Variants in ENTHD1 observed in about 807,000 individuals in gnomAD.
The protein encoded by ENTHD1 is ENTH domain containing 1.
Under a neutral mutation model 39.1 loss-of-function variants are expected in ENTHD1, and 23 were observed. That is an observed-to-expected ratio of 0.59 (90% confidence interval 0.42 to 0.83). ENTHD1 has a LOEUF of 0.83. Among genes scored for constraint, ENTHD1 ranks in the 40% least tolerant of loss-of-function variants. The pLI, the probability that ENTHD1 is intolerant of heterozygous loss-of-function variation, is 0.00. For missense variants in ENTHD1, 624 were observed against 705.4 expected (o/e 0.88, Z 1.31); for synonymous variants, 230 against 258.2 (o/e 0.89, Z 1.05).
At chr22:39,873,881 C>A (rs1013986141) in intron 2 of ENTHD1, among the ~76,000 whole-genome samples, 3 of 152,282 alleles carry the variant, frequency 2.0e-5, no homozygotes, top group Admixed American at 6.5e-5. Context: ...GTAAAAAAGG[C>A]ATTAACCATA....
chr22:39,792,175 G>A (rs1440630499), intron 5 of ENTHD1, among the ~76,000 whole-genome samples: 2 of 152,046 alleles, frequency 1.3e-5, no homozygotes, highest in African/African-American at 2.4e-5. Flanking sequence ...CTTTTCTATT[G>A]TGAATAGTGC....
At chr22:39,817,524 C>T (rs915847731) in intron 5 of ENTHD1, among the ~76,000 whole-genome samples, 1 of 152,092 alleles carries the variant, frequency 6.6e-6, no homozygotes, top group African/African-American at 2.4e-5. Context: ...TAAAGGTACA[C>T]GTATGTATGT....
chr22:39,803,345 A>G (rs1405771815), intron 5 of ENTHD1, among the ~76,000 whole-genome samples: 1 of 151,998 alleles, frequency 6.6e-6, no homozygotes, highest in African/African-American at 2.4e-5. Context: ...GTCTCACCTC[A>G]TAACATCTCT....
At chr22:39,888,260 C>CTTTTT (rs61092462) in intron 1 of ENTHD1, among the ~76,000 whole-genome samples, 32 of 110,624 alleles carry the variant, frequency 2.9e-4, no homozygotes, top group South Asian at 9.2e-4. Flanking sequence ...TTCTTTCTTT[C>CTTTTT]TTTTTTTTTT....
chr22:39,793,251 T>C (rs2065519322), intron 5 of ENTHD1, among the ~76,000 whole-genome samples: 1 of 152,096 alleles, frequency 6.6e-6, no homozygotes, highest in Non-Finnish European at 1.5e-5. Context: ...TTAATGTTTT[T>C]ACAAGGGTGC....
chr22:39,835,790 C>T (rs1555935336), intron 4 of ENTHD1, 50 bp downstream of exon 4: 3 of 1,376,558 alleles, frequency 2.2e-6, no homozygotes, highest in Admixed American at 1.9e-5. Context: ...TTTTAAGGCA[C>T]AAAACTTGCA....
chr22:39,887,478 G>A lies in ENTHD1; in HGVS notation c.271C>T (p.Gln91Ter), dbSNP rs557485962. The A allele has an allele frequency of 1.2e-6, 2 of 1,614,074 alleles. No individual in the cohort carries two copies. The highest frequency in any genetic ancestry group is 1.7e-6 in the Non-Finnish European group (2 of 1,180,050). ...TTACAGAACCCCTCTCTGCAATGCT[G>A]AATAACTTTCTTTGATCCATTCTTG... ...LIKNGSKKVIQHCREGFCNLQ... is the reference protein window; with the variant it reads ...LIKNGSKKVI Residue 91 changes from glutamine to a stop codon, truncating the protein, a stop_gained, in exon 2 of 7, where the codon CAG (glutamine) becomes TAG (stop). Transcript: ENST00000325157. LOFTEE classifies it high-confidence loss of function.
intron 3 of ENTHD1, among the ~76,000 whole-genome samples, chr22:39,836,453 A>T (rs1332801833): frequency 6.6e-6 from 1 of 152,172 alleles, no homozygotes; most frequent in Non-Finnish European, 1.5e-5. Flanking sequence ...AGTGAAAAGT[A>T]TTCAAATAAA....
chr22:39,762,643 G>T (rs997769116), intron 6 of ENTHD1, among the ~76,000 whole-genome samples: 3 of 151,858 alleles, frequency 2.0e-5, no homozygotes, highest in Non-Finnish European at 4.4e-5. Flanking sequence ...GTAGAGATGG[G>T]GTCTCCCTAT....
intron 4 of ENTHD1, among the ~76,000 whole-genome samples, chr22:39,830,981 T>C (rs1312316905): frequency 6.6e-6 from 1 of 152,102 alleles, no homozygotes; most frequent in South Asian, 2.1e-4. Flanking sequence ...AAACAAATAA[T>C]GGTAAGGAGA....
Position 39,867,750 on chromosome 22 carries a change from G to A in ENTHD1, c.350-5743C>T, listed in dbSNP as rs1182780525. ...GTTGGTTGCAGTGAGCCGAGATCGCGCCATTGCACTCCAGCCTGGGCGATG... is the reference window on the plus strand; with the variant it reads ...GTTGGTTGCAGTGAGCCGAGATCGCACCATTGCACTCCAGCCTGGGCGATG... On this transcript the variant is annotated intron_variant, in intron 2 of 6. Transcript: ENST00000325157. This position sits in a 1 kb window ranked among gnomAD's most constrained non-coding sequence, Gnocchi z 4.5. 6.6e-6 allele frequency among the ~76,000 whole-genome samples: 1 copy of A among 151,802 alleles called. No homozygotes were observed. The highest frequency in any genetic ancestry group is 1.5e-5 in the Non-Finnish European group (1 of 67,986).
intron 5 of ENTHD1, among the ~76,000 whole-genome samples, chr22:39,808,118 T>G (rs2065658210): frequency 2.6e-5 from 4 of 152,176 alleles, no homozygotes; most frequent in African/African-American, 9.7e-5. Flanking sequence ...AAGATTGTTA[T>G]GAAGATTAAA....
Position 39,776,658 on chromosome 22 carries a change from A to G in ENTHD1, c.833-11049T>C, listed in dbSNP as rs527710140. 1.2e-4 allele frequency among the ~76,000 whole-genome samples: 18 copies of G among 152,336 alleles called. 1 individual carries two copies. The East Asian group carries it at 3.5e-3, about 29-fold the overall frequency. On this transcript the variant is annotated intron_variant, in intron 5 of 6. Transcript: ENST00000325157. ...GCTGCAAATTTAAATACAGACTATC[A>G]TGAAAATGACTGAAGTAGGAAAAAC...
intron 4 of ENTHD1, among the ~76,000 whole-genome samples, chr22:39,822,192 TC>T (rs55692573): frequency 0.11 from 16,315 of 151,782 alleles, 1,608 homozygotes; most frequent in East Asian, 0.56. Flanking sequence ...AGCTGGTATG[TC>T]TTTTTTTTTT....
At chr22:39,747,129 G>T (rs897946908) in intron 6 of ENTHD1, among the ~76,000 whole-genome samples, 2 of 152,084 alleles carry the variant, frequency 1.3e-5, no homozygotes, top group African/African-American at 2.4e-5. Flanking sequence ...TGAGACTACA[G>T]GTGTGGGCCA....
chr22:39,818,848 A>G (rs748474150), intron 5 of ENTHD1, among the ~76,000 whole-genome samples: 2 of 152,168 alleles, frequency 1.3e-5, no homozygotes, highest in Non-Finnish European at 2.9e-5. Context: ...TCTTATGCTC[A>G]TTTATACTCA....
At chr22:39,778,997 T>A (rs2065386839) in intron 5 of ENTHD1, among the ~76,000 whole-genome samples, 3 of 152,140 alleles carry the variant, frequency 2.0e-5, no homozygotes, top group Non-Finnish European at 4.4e-5. Context: ...AAATAAAGTA[T>A]TTCTGAAAGA....
intron 5 of ENTHD1, among the ~76,000 whole-genome samples, chr22:39,791,963 C>A (rs1255373885): frequency 6.6e-6 from 1 of 152,062 alleles, no homozygotes; most frequent in African/African-American, 2.4e-5. Context: ...ATTTACCTCC[C>A]ACTTATAAGT....
intron 6 of ENTHD1, among the ~76,000 whole-genome samples, chr22:39,747,536 T>C (rs1041253346): frequency 3.3e-5 from 5 of 152,170 alleles, no homozygotes. Flanking sequence ...TATAGAATTA[T>C]GTTAAATTTT....
Sources: gnomAD v4.1 joint callset for allele counts (sites outside exome capture counted in the v4.1 genomes callset) on GRCh38, gnomAD v4.1.1 for gene constraint, Gnocchi (gnomAD v3.1) non-coding constraint, MANE v1.5 for transcripts, NCBI Gene and HGNC (gene_info 2026-07-23, HGNC 2026-07-21) for gene names.